The following GPC6 variants were observed in gnomAD, a reference collection of about 807,000 sequenced individuals.
GPC6 encodes the protein glypican 6.
In GPC6, 14 loss-of-function variants were observed where a neutral mutation model predicts 55.2. That is an observed-to-expected ratio of 0.25 (90% CI 0.17 to 0.40). GPC6 has a LOEUF of 0.40. Among genes scored for constraint, GPC6 ranks in the 10% least tolerant of loss-of-function variants. The probability of loss-of-function intolerance (pLI) is 1.00; values close to 1 mark genes in which losing one functional copy is unlikely to be tolerated. For missense variants in GPC6, 641 were observed against 708.5 expected (o/e 0.90, Z 1.08); for synonymous variants, 278 against 259.6 (o/e 1.07, Z -0.68).
intron 2 of GPC6, among the ~76,000 whole-genome samples, chr13:93,599,503 G>A (rs964591358): frequency 1.3e-5 from 2 of 152,040 alleles, no homozygotes; most frequent in Admixed American, 6.6e-5. Flanking sequence ...TGGCTTCTGT[G>A]ATTTGTCTAA....
intron 2 of GPC6, among the ~76,000 whole-genome samples, chr13:93,750,744 T>G (rs1884548932): frequency 6.6e-6 from 1 of 152,218 alleles, no homozygotes. Context: ...TCAACCCTTG[T>G]GAGGCGCATG....
intron 4 of GPC6, among the ~76,000 whole-genome samples, chr13:94,196,336 T>C: frequency 6.6e-6 from 1 of 152,110 alleles, no homozygotes; most frequent in African/African-American, 2.4e-5. Context: ...CCATCCTCCT[T>C]TTGAAAACCA....
At chr13:93,451,312 C>T (rs1157383939) in intron 1 of GPC6, among the ~76,000 whole-genome samples, 1 of 152,180 alleles carries the variant, frequency 6.6e-6, no homozygotes, top group South Asian at 2.1e-4. Context: ...TGTAGTTCCT[C>T]ATCTAGATCT....
chr13:94,275,915 A>G (rs1421875823), intron 4 of GPC6, among the ~76,000 whole-genome samples: 1 of 152,206 alleles, frequency 6.6e-6, no homozygotes, highest in Non-Finnish European at 1.5e-5. Flanking sequence ...CAAAGATCCA[A>G]ACGTTTGATC....
chr13:93,411,641 A>G (rs760469610), intron 1 of GPC6, among the ~76,000 whole-genome samples: 11 of 152,170 alleles, frequency 7.2e-5, no homozygotes, highest in Non-Finnish European at 1.5e-4. Flanking sequence ...TAAAAAGACA[A>G]CAGCTCTATC....
At chr13:94,296,348 C>G (rs1436830486) in intron 5 of GPC6, among the ~76,000 whole-genome samples, 1 of 152,086 alleles carries the variant, frequency 6.6e-6, no homozygotes, top group Non-Finnish European at 1.5e-5. Context: ...TTAATGTAGC[C>G]TACTCAAGAA....
chr13:93,670,544 G>A (rs189412480), intron 2 of GPC6, among the ~76,000 whole-genome samples: 1 of 152,154 alleles, frequency 6.6e-6, no homozygotes. Context: ...ATAATGTGTG[G>A]GAATGAGAAT....
intron 1 of GPC6, among the ~76,000 whole-genome samples, chr13:93,374,533 A>C (rs375219806): frequency 6.6e-6 from 1 of 152,314 alleles, no homozygotes; most frequent in East Asian, 1.9e-4. Flanking sequence ...AAGGAAAAAT[A>C]AGAAGGGCAG....
At chr13:93,892,096 CAT>C (rs1283469692) in intron 3 of GPC6, among the ~76,000 whole-genome samples, 1 of 151,946 alleles carries the variant, frequency 6.6e-6, no homozygotes, top group Non-Finnish European at 1.5e-5. Flanking sequence ...CACATACACA[CAT>C]ATATGGTGTG....
At chr13:93,631,591 C>T (rs1389093436) in intron 2 of GPC6, among the ~76,000 whole-genome samples, 1 of 152,200 alleles carries the variant, frequency 6.6e-6, no homozygotes, top group Non-Finnish European at 1.5e-5. Context: ...AAAAGTTTTA[C>T]CTGATAACGC....
chr13:93,641,408 C>A (rs571955196), intron 2 of GPC6, among the ~76,000 whole-genome samples: 165 of 152,206 alleles, frequency 1.1e-3, no homozygotes, highest in African/African-American at 3.9e-3. Context: ...TCACTTGTGG[C>A]CCCCATGTTT....
intron 2 of GPC6, among the ~76,000 whole-genome samples, chr13:93,594,976 G>A (rs1039279234): frequency 6.6e-6 from 1 of 152,012 alleles, no homozygotes; most frequent in African/African-American, 2.4e-5. Flanking sequence ...TTGGGGATAG[G>A]GAATACAAAC....
intron 4 of GPC6, among the ~76,000 whole-genome samples, chr13:94,041,566 A>G (rs898615530): frequency 2.6e-5 from 4 of 151,830 alleles, no homozygotes; most frequent in Admixed American, 2.6e-4. Flanking sequence ...TGCTTAAAGC[A>G]TTTCTCTGTT....
At chr13:94,158,381 A>T (rs1386157952) in intron 4 of GPC6, among the ~76,000 whole-genome samples, 2 of 5,406 alleles carry the variant, frequency 3.7e-4, no homozygotes, top group African/African-American at 5.0e-4. Context: ...ATGATGCTTT[A>T]AAAAAAAAAA....
intron 2 of GPC6, among the ~76,000 whole-genome samples, chr13:93,585,051 T>C (rs956639884): frequency 1.3e-5 from 2 of 152,210 alleles, no homozygotes; most frequent in Non-Finnish European, 1.5e-5. Flanking sequence ...AAGACATTTT[T>C]AAAAATTTAT....
At chr13:93,882,678 T>C (rs911131568) in intron 3 of GPC6, among the ~76,000 whole-genome samples, 2 of 152,102 alleles carry the variant, frequency 1.3e-5, no homozygotes, top group Non-Finnish European at 2.9e-5. Flanking sequence ...AAATAGAACA[T>C]TTTTTAAAAG....
At chr13:93,361,633 G>A (rs1264803023) in intron 1 of GPC6, among the ~76,000 whole-genome samples, 3 of 152,108 alleles carry the variant, frequency 2.0e-5, no homozygotes, top group Non-Finnish European at 4.4e-5. Context: ...AAGAAAAAGT[G>A]TTTACAAATT....
At chr13:93,907,881 C>A (rs1263525240) in intron 3 of GPC6, among the ~76,000 whole-genome samples, 1 of 152,064 alleles carries the variant, frequency 6.6e-6, no homozygotes, top group Non-Finnish European at 1.5e-5. Flanking sequence ...TGTCTCCTTT[C>A]CATTAGAATA....
intron 1 of GPC6, among the ~76,000 whole-genome samples, chr13:93,397,969 A>G (rs1875924639): frequency 6.6e-6 from 1 of 152,182 alleles, no homozygotes; most frequent in African/African-American, 2.4e-5. Context: ...GAAACTAAGC[A>G]TTTTTAATAC....
Sources: gnomAD v4.1 joint callset for allele counts (sites outside exome capture counted in the v4.1 genomes callset) on GRCh38, gnomAD v4.1.1 for gene constraint, MANE v1.5 for transcripts, NCBI Gene and HGNC (gene_info 2026-07-23, HGNC 2026-07-21) for gene names.